The following FGF14 variants were observed in gnomAD, a reference collection of about 807,000 sequenced individuals.
FGF14 encodes the protein fibroblast growth factor 14.
Under a neutral mutation model 25.5 loss-of-function variants are expected in FGF14, and 5 were observed. The observed-to-expected ratio is 0.20, with a 90% CI of 0.10 to 0.41. The LOEUF is 0.41. Ranked by LOEUF, FGF14 falls within the 10% of genes least tolerant of loss-of-function variation. The pLI, the probability that FGF14 is intolerant of heterozygous loss-of-function variation, is 1.00. For synonymous variants in FGF14, 138 were observed against 118.3 expected (o/e 1.17, Z -1.08); for missense variants, 222 against 320.1 (o/e 0.69, Z 2.34).
At chr13:101,761,127 G>A (rs1483770983) in intron 3 of FGF14, among the ~76,000 whole-genome samples, 2 of 152,160 alleles carry the variant, frequency 1.3e-5, no homozygotes. Context: ...CCTTAAATTA[G>A]AGACATTTGT....
intron 1 of FGF14, among the ~76,000 whole-genome samples, chr13:102,083,990 C>T (rs761892449): frequency 1.3e-4 from 20 of 152,114 alleles, no homozygotes; most frequent in Admixed American, 6.5e-4. Flanking sequence ...TCTTAATCTC[C>T]GAGTTCATCT....
At chr13:102,279,393 A>G (rs2053714106) in intron 1 of FGF14, among the ~76,000 whole-genome samples, 1 of 152,204 alleles carries the variant, frequency 6.6e-6, no homozygotes, top group African/African-American at 2.4e-5. Flanking sequence ...CTATTAAACT[A>G]ACACTACAAC....
intron 3 of FGF14, among the ~76,000 whole-genome samples, chr13:101,808,252 T>C (rs1459389855): frequency 6.6e-6 from 1 of 152,090 alleles, no homozygotes; most frequent in African/African-American, 2.4e-5. Flanking sequence ...ATCTACTAAA[T>C]ATCCTTCTGA....
intron 3 of FGF14, among the ~76,000 whole-genome samples, chr13:101,760,424 G>T (rs1265875953): frequency 6.6e-6 from 1 of 152,112 alleles, no homozygotes; most frequent in Non-Finnish European, 1.5e-5. Context: ...ATAATTTTCA[G>T]AGTCACAAAG....
At chr13:102,176,182 G>C (rs2048441907) in intron 1 of FGF14, among the ~76,000 whole-genome samples, 1 of 151,940 alleles carries the variant, frequency 6.6e-6, no homozygotes, top group Non-Finnish European at 1.5e-5. Context: ...GTTTACCACT[G>C]GTCTATTGGG....
At chr13:101,934,327 C>A (rs1323183) in intron 1 of FGF14, among the ~76,000 whole-genome samples, 13,713 of 152,144 alleles carry the variant, frequency 0.09, 2,135 homozygotes, top group African/African-American at 0.31. Flanking sequence ...AATAAACTTC[C>A]ACATCATTAT....
rs193272694 is a variant in FGF14, at chr13:102,254,273, T to C, written c.208+147198A>G. On this transcript the variant is annotated intron_variant, in intron 1 of 4. Transcript: ENST00000376131. The stretch of plus-strand genomic sequence containing the variant: ...TTATGGCACAAACTCACAATGCAGG[T>C]TGTCTGTGAGGGTTCGGCCATTGTC... Among the ~76,000 whole-genome samples, 236 of 152,268 alleles carry C rather than the reference T, an allele frequency of 1.5e-3. 1 individual carries two copies. Among genetic ancestry groups the C allele is most frequent in the African/African-American group, 5.3e-3 (221 of 41,544 alleles).
chr13:101,831,407 A>C (rs2042664848), intron 3 of FGF14, among the ~76,000 whole-genome samples: 1 of 152,004 alleles, frequency 6.6e-6, no homozygotes, highest in Admixed American at 6.6e-5. Context: ...AATTTTCATC[A>C]GAGAGTTATA....
At chr13:101,867,935 C>CACACAT (rs67164821) in intron 3 of FGF14, among the ~76,000 whole-genome samples, 3 of 125,414 alleles carry the variant, frequency 2.4e-5, no homozygotes, top group Non-Finnish European at 4.9e-5. Flanking sequence ...CACACACACA[C>CACACAT]GCGCACACAC....
At chr13:101,728,222 GT>G (rs558959979) in intron 3 of FGF14, among the ~76,000 whole-genome samples, 7 of 152,168 alleles carry the variant, frequency 4.6e-5, no homozygotes, top group Non-Finnish European at 8.8e-5. Context: ...AACAGCCTTT[GT>G]TAGTGGCAGA....
intron 3 of FGF14, among the ~76,000 whole-genome samples, chr13:101,755,433 T>A (rs2037582939): frequency 6.6e-6 from 1 of 152,026 alleles, no homozygotes; most frequent in Non-Finnish European, 1.5e-5. Flanking sequence ...CCTCGGAGTT[T>A]CAGTTTGCAG....
intron 1 of FGF14, among the ~76,000 whole-genome samples, chr13:102,097,551 T>C (rs888341691): frequency 3.3e-5 from 5 of 152,178 alleles, no homozygotes; most frequent in African/African-American, 1.2e-4. Flanking sequence ...ATATTCTTCA[T>C]GGTCCAAGTG....
intron 3 of FGF14, among the ~76,000 whole-genome samples, chr13:101,846,926 T>C (rs959387148): frequency 1.3e-5 from 2 of 152,030 alleles, no homozygotes; most frequent in African/African-American, 4.8e-5. Flanking sequence ...GGAGAAGAAG[T>C]CATGCAGTAT....
intron 1 of FGF14, among the ~76,000 whole-genome samples, chr13:102,169,004 A>G (rs558105525): frequency 1.3e-5 from 2 of 152,074 alleles, no homozygotes; most frequent in African/African-American, 4.8e-5. Context: ...AGGGAGACAG[A>G]GAAGAAAAAA....
chr13:101,726,641 G>C lies in FGF14; in HGVS notation c.578C>G (p.Ala193Gly). The change falls in exon 4 of 5, where the codon GCA becomes GGA. Residue 193 changes from alanine to glycine, a missense_variant. This residue lies in a region of FGF14 where 66 missense variants were observed against 90.3 expected (regional missense o/e 0.73). Transcript: ENST00000376143. Reference sequence around the variant, plus strand: ...CAATGGCTTGGGTAGAAAATGAGCTGCTGGTTTGGTTTTCTTTACTCTGTT... The same window carrying C: ...CAATGGCTTGGGTAGAAAATGAGCTCCTGGTTTGGTTTTCTTTACTCTGTT... ...KGNRVKKTKP[A>G]AHFLPKPLEV... is the part of the protein sequence containing the mutation. The C allele has an allele frequency of 6.2e-7, 1 of 1,613,416 alleles. No homozygotes were observed.
rs552394911 is a variant in FGF14 at position 101,916,755 on chromosome 13, AG to A, written c.-111del. ...CCGTGGCTCGCCCTCGGGGCAGAGG[AG>A]GGGGTGCCAGGCGGGACTGGGGAGA... is the stretch of plus-strand genomic sequence containing the variant. On this transcript the variant is annotated 5_prime_UTR_variant, in exon 1 of 5. Transcript: ENST00000376143. 6.3e-3 allele frequency: 5,578 copies of A among 883,172 alleles called. 57 individuals are homozygous for A. The highest frequency in any genetic ancestry group is 0.026 in the South Asian group (1,415 of 55,240). The allele number at this position is 883,172 out of a possible 1,614,324, so 54.7% of individuals were successfully genotyped here.
At chr13:102,097,647 CA>C (rs950240667) in intron 1 of FGF14, among the ~76,000 whole-genome samples, 13 of 152,288 alleles carry the variant, frequency 8.5e-5, no homozygotes, top group African/African-American at 2.2e-4. Flanking sequence ...ACTGGGGACA[CA>C]AAAACCCTCT....
intron 1 of FGF14, among the ~76,000 whole-genome samples, chr13:102,015,818 C>A (rs576037879): frequency 6.6e-6 from 1 of 152,250 alleles, no homozygotes; most frequent in East Asian, 1.9e-4. Context: ...GACTTAAAGA[C>A]ACAATATGCA....
intron 1 of FGF14, among the ~76,000 whole-genome samples, chr13:102,224,251 T>C (rs1029053917): frequency 6.6e-6 from 1 of 152,156 alleles, no homozygotes; most frequent in Non-Finnish European, 1.5e-5. Context: ...TCCCCCGTAT[T>C]ACATCGGCAG....
Sources: gnomAD v4.1 joint callset for allele counts (sites outside exome capture counted in the v4.1 genomes callset) on GRCh38, gnomAD v4.1.1 for gene constraint, gnomAD v4.1.1 regional missense constraint, MANE v1.5 for transcripts, NCBI Gene and HGNC (gene_info 2026-07-23, HGNC 2026-07-21) for gene names.